C2orf81: variants seen among roughly 807,000 people sequenced by gnomAD.
C2orf81 encodes the protein chromosome 2 open reading frame 81, also known as uncharacterized protein C2orf81.
C2orf81 carries 5 observed loss-of-function variants against 7.9 expected under a neutral mutation model. That is an observed-to-expected ratio of 0.63 (90% CI 0.33 to 1.33). C2orf81 has a LOEUF of 1.33. C2orf81 is among the 40% of genes most tolerant of loss of function. The pLI is 0.05. For synonymous variants in C2orf81, 346 were observed against 367.4 expected, an observed-to-expected ratio of 0.94 and a Z score of 0.66; for missense variants, 781 against 830.4, an observed-to-expected ratio of 0.94 and a Z score of 0.73.
At chr2:74,418,982 A>C (rs1045068426) in intron 1 of C2orf81, among the ~76,000 whole-genome samples, 1 of 151,898 alleles carries the variant, frequency 6.6e-6, no homozygotes, top group Non-Finnish European at 1.5e-5. Flanking sequence ...GGAGTTCGAG[A>C]CCAGCCTAGC....
Position 74,414,456 on chromosome 2 carries a change from C to A in C2orf81, c.1721G>T (p.Ser574Ile). 6.4e-7 allele frequency: 1 copy of A among 1,551,340 alleles called. No homozygotes were observed. The highest frequency in any genetic ancestry group is 8.7e-7 in the Non-Finnish European group (1 of 1,146,746). Residue 574 changes from serine (S) to isoleucine (I), a missense_variant, in exon 3 of 3, where the codon AGC becomes ATC. By Grantham distance (142) the Ser-to-Ile change is moderately radical. Coordinates refer to ENST00000684111, the MANE Select transcript of C2orf81 (RefSeq NM_001316764.3). This position sits in a 1 kb window ranked among gnomAD's most constrained non-coding sequence, Gnocchi z 5.3. The part of the protein sequence containing the change: ...PEALKLAPGV[S>I]MWNRSTQVLL... ...CACCTGGGTGCTCCGGTTCCACATG[C>A]TCACACCAGGGGCCAGCTTCAGGGC...
chr2:74,420,308 C>T (rs1485397497), intron 1 of C2orf81, among the ~76,000 whole-genome samples: 1 of 151,866 alleles, frequency 6.6e-6, no homozygotes, highest in African/African-American at 2.4e-5. Context: ...AAAGACTAGT[C>T]CCCAAAACTC....
chr2:74,415,419 G>A lies in C2orf81; in HGVS notation c.758C>T (p.Ala253Val). 1 of 1,531,476 alleles carries A rather than the reference G, an allele frequency of 6.5e-7. No individual in the cohort carries two copies. The highest frequency in any genetic ancestry group is 2.0e-5 in the Admixed American group (1 of 49,620). 94.9% of individuals were successfully genotyped at this position (1,531,476 alleles called of 1,614,324 possible). ...TTGGAAGCTCGCGCTCAAGGACCCG[G>A]CCGAGGAGAGGCCTCTAGACTGGCC... The part of the protein sequence containing the change: ...ADGQSRGLSS[A>V]GSLSASFQLS... Residue 253 changes from alanine (A) to valine (V), a missense_variant, in exon 3 of 3, where the codon GCC (alanine) becomes GTC (valine). Physicochemically the swap from Ala to Val is moderately conservative, Grantham distance 64. Transcript: ENST00000684111. This position sits in a 1 kb window ranked among gnomAD's most constrained non-coding sequence, Gnocchi z 5.5.
chr2:74,415,879 T>G lies in C2orf81; in HGVS notation c.298A>C (p.Thr100Pro), dbSNP rs960389544. Reference protein sequence around the residue: ...SQAREAMLQITEWRFLARDEG... With the variant: ...SQAREAMLQIPEWRFLARDEG... ...TCCCGGGCCAGGAAGCGCCACTCGG[T>G]GATCTGCAGCATGGCCTCCCGGGCC... The change falls in exon 3 of 3, where the codon ACC (threonine) becomes CCC (proline). Residue 100 changes from threonine to proline, a missense_variant. Thr to Pro is a conservative substitution (Grantham distance 38, BLOSUM62 -1). Transcript: ENST00000684111. This position sits in a 1 kb window ranked among gnomAD's most constrained non-coding sequence, Gnocchi z 5.5. 5.2e-6 allele frequency: 8 copies of G among 1,550,656 alleles called. No homozygotes were observed. The South Asian group carries it at 8.3e-5, about 16-fold the overall frequency.
chr2:74,420,769 CTTCTTTTTTTTTTT>C (rs1245175095), intron 1 of C2orf81, among the ~76,000 whole-genome samples: 1 of 118,718 alleles, frequency 8.4e-6, no homozygotes, highest in African/African-American at 3.8e-5. Context: ...CTTTCTTCTT[CTTCTTTTTTTTTTT>C]TTTTTTTTTT....
At chr2:74,417,712 AC>A in intron 1 of C2orf81, 1 of 562,048 alleles carries the variant, frequency 1.8e-6, no homozygotes, top group Non-Finnish European at 2.9e-6. Flanking sequence ...GACCAGGGGA[AC>A]CCTCCCAGGC....
In C2orf81 at chr2:74,416,415, T is replaced by C. The variant is rs532957447; in HGVS notation, c.19-174A>G. On this transcript the variant is annotated intron_variant, in intron 1 of 2. Transcript: ENST00000684111. ...TAGATGTTTGACCTAATAATTTTCA[T>C]TAACAGCCCACTAACCACAATTGAC... is the stretch of plus-strand genomic sequence containing the variant. 4 of 364,580 alleles carry C rather than the reference T, an allele frequency of 1.1e-5. No individual in the cohort carries two copies. In the East Asian group the frequency reaches 3.0e-4, roughly 28 times the overall value. The allele number at this position is 364,580 out of a possible 1,614,324, so 22.6% of individuals were successfully genotyped here.
Position 74,420,447 on chromosome 2 carries a change from T to C in C2orf81, c.18+1096A>G, listed in dbSNP as rs149713793. ...GTGATCTTCCCAAACCTTTGCCTAT[T>C]GCCCCGCTAAAACCTTGTCTCATAT... On this transcript the variant is annotated intron_variant, in intron 1 of 2. Transcript: ENST00000684111. Among the ~76,000 whole-genome samples, 816 of 152,334 alleles carry C rather than the reference T, an allele frequency of 5.4e-3. 9 individuals are homozygous for C. Among genetic ancestry groups the C allele is most frequent in the Non-Finnish European group, 7.3e-3 (497 of 68,026 alleles).
Position 74,415,427 on chromosome 2 carries a change from G to A in C2orf81, c.750C>T (p.Leu250=). ...TCGCGCTCAAGGACCCGGCCGAGGA[G>A]AGGCCTCTAGACTGGCCGTCCGCTT... ...VEEADGQSRG[L]SSAGSLSASF... is the part of the protein sequence containing the mutation. Residue 250 remains leucine, a synonymous_variant, in exon 3 of 3, where the codon CTC becomes CTT. Transcript: ENST00000684111. The surrounding 1 kb of genome is among the most constrained non-coding windows in gnomAD (Gnocchi z 5.5). 6.5e-7 allele frequency: 1 copy of A among 1,532,866 alleles called. No homozygotes were observed. The highest frequency in any genetic ancestry group is 1.2e-5 in the South Asian group (1 of 82,884). 95.0% of individuals were successfully genotyped at this position (1,532,866 alleles called of 1,614,324 possible).
intron 1 of C2orf81, chr2:74,416,556 A>T (rs1212523185): frequency 2.3e-5 from 3 of 129,668 alleles, no homozygotes; most frequent in Admixed American, 8.3e-5. Flanking sequence ...ACAGAGCAAG[A>T]CTGCGTCTCA....
In C2orf81 at chr2:74,418,235, C is replaced by A. The variant is rs548993147; in HGVS notation, c.19-1994G>T. 149 of 1,587,882 alleles carry A rather than the reference C, an allele frequency of 9.4e-5. 1 individual carries two copies. The African/African-American group carries it at 1.8e-3, about 19-fold the overall frequency. On this transcript the variant is annotated intron_variant, in intron 1 of 2. Coordinates refer to ENST00000684111, the MANE Select transcript of C2orf81 (RefSeq NM_001316764.3). ...GTTGTGGTGGTTTTCCCGGTCTTGG[C>A]AGCACCCTTGTTTTTGCTTCCCTTT...
intron 1 of C2orf81, chr2:74,417,804 A>C (rs1005903289): frequency 1.9e-6 from 1 of 521,842 alleles, no homozygotes; most frequent in African/African-American, 2.0e-5. Flanking sequence ...CAATGTCACC[A>C]CCAAGGGATC....
Position 74,419,916 on chromosome 2 carries a change from C to T in C2orf81, c.18+1627G>A, listed in dbSNP as rs113423678. On this transcript the variant is annotated intron_variant, in intron 1 of 2. Coordinates refer to ENST00000684111, the MANE Select transcript of C2orf81 (RefSeq NM_001316764.3). ...CCTCCGGAGTAGCTGGGATTACAGG[C>T]GCCTGCCACCAGGCCTGGCTAATTT... is the stretch of plus-strand genomic sequence containing the variant. 2.0e-3 allele frequency among the ~76,000 whole-genome samples: 312 copies of T among 152,238 alleles called. 2 individuals carry two copies. Among genetic ancestry groups the T allele is most frequent in the African/African-American group, 6.9e-3 (287 of 41,544 alleles).
Position 74,415,779 on chromosome 2 carries a change from G to A in C2orf81, c.398C>T (p.Ser133Phe), listed in dbSNP as rs780453780. ...DEEPSACTTD[S>F]WAQGSVPVLH... ...CACGGGCACTGAACCCTGAGCCCAG[G>A]AGTCCGTCGTGCATGCCGAAGGCTC... Residue 133 changes from serine to phenylalanine, a missense_variant, in exon 3 of 3, where the codon TCC becomes TTC. Ser to Phe is a radical substitution (Grantham distance 155, BLOSUM62 -2). Transcript: ENST00000684111. This position sits in a 1 kb window ranked among gnomAD's most constrained non-coding sequence, Gnocchi z 5.5. 6.4e-7 allele frequency: 1 copy of A among 1,551,614 alleles called. No homozygotes were observed. Among genetic ancestry groups the A allele is most frequent in the South Asian group, 1.2e-5 (1 of 84,062 alleles).
rs574349068 is a variant in C2orf81 at position 74,419,213 on chromosome 2, A to C, written c.18+2330T>G. On this transcript the variant is annotated intron_variant, in intron 1 of 2. Coordinates refer to ENST00000684111, the MANE Select transcript of C2orf81 (RefSeq NM_001316764.3). ...AAAAAAAAAACTAATAAAATAAAAA[A>C]TAGAAGAAGAAAAATGGCCAGGCAC... Among the ~76,000 whole-genome samples the C allele has an allele frequency of 2.0e-4, 30 of 152,130 alleles. No individual in the cohort carries two copies. The East Asian group carries it at 5.8e-3, about 29-fold the overall frequency.
chr2:74,418,943 G>A (rs1241318590), intron 1 of C2orf81, among the ~76,000 whole-genome samples: 1 of 152,074 alleles, frequency 6.6e-6, no homozygotes, highest in African/African-American at 2.4e-5. Flanking sequence ...CACTTTGGGA[G>A]GCCGAGGTGG....
At chr2:74,418,318 A>T (rs1251394089) in intron 1 of C2orf81, 3 of 1,605,410 alleles carry the variant, frequency 1.9e-6, no homozygotes, top group Non-Finnish European at 2.6e-6. Context: ...CTGACTCCCT[A>T]CCAGCGCTGT....
At position 74,421,566 on chromosome 2, in the gene C2orf81, ACG is replaced by A. The variant is rs1676617611; in HGVS notation, c.-8_-7del. 2.4e-6 allele frequency: 1 copy of A among 409,438 alleles called. No homozygotes were observed. The highest frequency in any genetic ancestry group is 8.7e-5 in the South Asian group (1 of 11,552). 25.4% of individuals were successfully genotyped at this position (409,438 alleles called of 1,614,324 possible). ...ACCGAGCCTTCGTGCGCCATCGCCAACGCGGTCGCAGCAACGCTGGTGTTTCT... is the reference window on the plus strand; with the variant it reads ...ACCGAGCCTTCGTGCGCCATCGCCAACGGTCGCAGCAACGCTGGTGTTTCT... On this transcript the variant is annotated 5_prime_UTR_variant, in exon 1 of 3. Transcript: ENST00000684111.
At position 74,415,068 on chromosome 2, in the gene C2orf81, T is replaced by G. The variant is rs775405007; in HGVS notation, c.1109A>C (p.Lys370Thr). ...LSAHHHRMRR[K>T]AAVKRLDPAR... is the part of the protein sequence containing the mutation. Reference sequence around the variant, plus strand: ...AGGGTCCAGGCGTTTCACGGCCGCCTTGCGGCGCATCCTGTGGTGGTGGGC... The same window carrying G: ...AGGGTCCAGGCGTTTCACGGCCGCCGTGCGGCGCATCCTGTGGTGGTGGGC... The change falls in exon 3 of 3, where the codon AAG becomes ACG. Residue 370 changes from lysine (K) to threonine (T), a missense_variant. By Grantham distance (78) the Lys-to-Thr change is moderately conservative. Transcript: ENST00000684111. The surrounding 1 kb of genome is among the most constrained non-coding windows in gnomAD (Gnocchi z 5.5). The G allele has an allele frequency of 2.6e-5, 41 of 1,547,948 alleles. No homozygotes were observed. The highest frequency in any genetic ancestry group is 9.6e-6 in the Non-Finnish European group (11 of 1,145,630).
Sources: gnomAD v4.1 joint callset for allele counts (sites outside exome capture counted in the v4.1 genomes callset) on GRCh38, gnomAD v4.1.1 for gene constraint, Gnocchi (gnomAD v3.1) non-coding constraint, MANE v1.5 for transcripts, NCBI Gene and HGNC (gene_info 2026-07-23, HGNC 2026-07-21) for gene names.